Variants in PTPN23 observed in about 807,000 individuals in gnomAD.
The protein encoded by PTPN23 is protein tyrosine phosphatase non-receptor type 23.
Under a neutral mutation model 156.3 loss-of-function variants are expected in PTPN23, and 72 were observed. The observed-to-expected ratio is 0.46, with a 90% CI of 0.38 to 0.56. PTPN23 has a LOEUF of 0.56. PTPN23 is among the 20% of genes least tolerant of loss of function. The probability of loss-of-function intolerance (pLI) is 0.00; values close to 1 mark genes in which losing one functional copy is unlikely to be tolerated. For missense variants in PTPN23, 1,974 were observed against 2,171.5 expected, an observed-to-expected ratio of 0.91 and a Z score of 1.81; for synonymous variants, 957 against 899.6, an observed-to-expected ratio of 1.06 and a Z score of -1.14.
At position 47,406,741 on chromosome 3, in the gene PTPN23, C is replaced by A; in HGVS notation, c.798C>A (p.Phe266Leu). 1 of 1,613,638 alleles carries A rather than the reference C, an allele frequency of 6.2e-7. No homozygotes were observed. Among genetic ancestry groups the A allele is most frequent in the Non-Finnish European group, 8.5e-7 (1 of 1,179,930 alleles). The change falls in exon 9 of 25, where the codon TTC becomes TTA. Residue 266 changes from phenylalanine (F) to leucine (L), a missense_variant. Phe to Leu is a conservative substitution (Grantham distance 22, BLOSUM62 0). This residue lies in a region of PTPN23 where 726 missense variants were observed against 929.5 expected (regional missense o/e 0.78). Coordinates refer to ENST00000265562, the MANE Select transcript of PTPN23 (RefSeq NM_015466.4). This position sits in a 1 kb window ranked among gnomAD's most constrained non-coding sequence, Gnocchi z 5.8. ...MGKQAEEQQK[F>L]GERVAYFQSA... ...AGCAGGCCGAGGAGCAGCAGAAGTT[C>A]GGGGAGCGGGTGAGCTACAGCGAGG...
Position 47,413,192 on chromosome 3 carries a change from T to G in PTPN23, c.*7T>G. 6.2e-7 allele frequency: 1 copy of G among 1,604,196 alleles called. No homozygotes were observed. The highest frequency in any genetic ancestry group is 8.5e-7 in the Non-Finnish European group (1 of 1,174,748). ...GACACTCAACAAGACCTGAACAGGT[T>G]TTGCCTACCTGGTCCTTACACTACA... On this transcript the variant is annotated 3_prime_UTR_variant, in exon 25 of 25. Transcript: ENST00000265562.
At position 47,405,089 on chromosome 3, in the gene PTPN23, G is replaced by C; in HGVS notation, c.364+8G>C. The C allele has an allele frequency of 6.2e-7, 1 of 1,613,680 alleles. No homozygotes were observed. Among genetic ancestry groups the C allele is most frequent in the African/African-American group, 1.3e-5 (1 of 75,044 alleles). ...GTATTCTCTACAACCTTGGTGAGCTGCCTGATCCCTTCCCCCGGCCCTACT... is the reference window on the plus strand; with the variant it reads ...GTATTCTCTACAACCTTGGTGAGCTCCCTGATCCCTTCCCCCGGCCCTACT... On this transcript the variant is annotated splice_region_variant and intron_variant, in intron 4 of 24. Coordinates refer to ENST00000265562, the MANE Select transcript of PTPN23 (RefSeq NM_015466.4). This position sits in a 1 kb window ranked among gnomAD's most constrained non-coding sequence, Gnocchi z 4.7.
At chr3:47,381,525 G>T (rs560354114) in intron 1 of PTPN23, among the ~76,000 whole-genome samples, 1 of 152,230 alleles carries the variant, frequency 6.6e-6, no homozygotes, top group East Asian at 1.9e-4. Flanking sequence ...GGACCGCCCC[G>T]CGCGGGAGCG....
At chr3:47,408,717 G>A (rs1285148961) in intron 15 of PTPN23, 59 bp from the exon 16 acceptor site, 1 of 1,534,432 alleles carries the variant, frequency 6.5e-7, no homozygotes, top group African/African-American at 1.4e-5. Context: ...TTGGGGGAGG[G>A]GCCCATGGGT....
intron 1 of PTPN23, among the ~76,000 whole-genome samples, chr3:47,387,022 C>T (rs1362487252): frequency 1.3e-5 from 2 of 152,184 alleles, no homozygotes; most frequent in African/African-American, 2.4e-5. Flanking sequence ...GAGTCTTCCT[C>T]ACTGTGTTGT....
At chr3:47,384,084 T>TGTCTGC (rs1704604684) in intron 1 of PTPN23, among the ~76,000 whole-genome samples, 1 of 151,726 alleles carries the variant, frequency 6.6e-6, no homozygotes, top group East Asian at 1.9e-4. Flanking sequence ...ATGCTGAACC[T>TGTCTGC]TGATAAGCAG....
At position 47,405,859 on chromosome 3, in the gene PTPN23, A is replaced by G; in HGVS notation, c.415-56A>G. 1.3e-6 allele frequency: 2 copies of G among 1,598,538 alleles called. No individual in the cohort carries two copies. Among genetic ancestry groups the G allele is most frequent in the African/African-American group, 1.3e-5 (1 of 74,668 alleles). ...ACCAGGGAGGGGCAGCCTCCCAAGTATGGATGAATCCTGACCCATGGAGTG... is the reference window on the plus strand; with the variant it reads ...ACCAGGGAGGGGCAGCCTCCCAAGTGTGGATGAATCCTGACCCATGGAGTG... On this transcript the variant is annotated intron_variant, in intron 5 of 24. Transcript: ENST00000265562. This position sits in a 1 kb window ranked among gnomAD's most constrained non-coding sequence, Gnocchi z 4.7.
At chr3:47,401,093 G>T (rs974991903) in intron 2 of PTPN23, among the ~76,000 whole-genome samples, 3 of 151,968 alleles carry the variant, frequency 2.0e-5, no homozygotes, top group African/African-American at 7.3e-5. Context: ...AGTAGAGACA[G>T]GGTTTCACCT....
At chr3:47,388,934 C>T (rs1424678474) in intron 1 of PTPN23, among the ~76,000 whole-genome samples, 3 of 151,944 alleles carry the variant, frequency 2.0e-5, no homozygotes, top group Admixed American at 6.6e-5. Context: ...CAAAGTGCTG[C>T]GATTGCAGGT....
rs192553025 is a variant in PTPN23 at position 47,382,573 on chromosome 3, G to T, written c.84+1393G>T. Among the ~76,000 whole-genome samples, 152 of 151,198 alleles carry T rather than the reference G, an allele frequency of 1.0e-3. 3 individuals carry two copies. Among genetic ancestry groups the T allele is most frequent in the African/African-American group, 3.5e-3 (143 of 41,246 alleles). ...TGACATCAGGTGATCCGCTTGCCTC[G>T]GCCTCCCAAAGTGCTGGGATTACAG... On this transcript the variant is annotated intron_variant, in intron 1 of 24. Coordinates refer to ENST00000265562, the MANE Select transcript of PTPN23 (RefSeq NM_015466.4).
Position 47,412,840 on chromosome 3 carries a change from C to T in PTPN23, c.4566C>T (p.Gly1522=), listed in dbSNP as rs1490788714. 2 of 1,613,440 alleles carry T rather than the reference C, an allele frequency of 1.2e-6. No homozygotes were observed. The highest frequency in any genetic ancestry group is 2.2e-5 in the South Asian group (2 of 91,078). ...AGTCCCCGGTTGCCAGCTTGCCAGGCCCTGCAGAGCCCCCAGGCCTCCCGC... is the reference window on the plus strand; with the variant it reads ...AGTCCCCGGTTGCCAGCTTGCCAGGTCCTGCAGAGCCCCCAGGCCTCCCGC... The part of the protein sequence containing the change: ...GLESPVASLP[G]PAEPPGLPPA... The change falls in exon 25 of 25, where the codon GGC becomes GGT. Residue 1522 remains glycine (G), a synonymous_variant. Transcript: ENST00000265562.
At chr3:47,389,084 C>T (rs1246290668) in intron 1 of PTPN23, among the ~76,000 whole-genome samples, 5 of 152,174 alleles carry the variant, frequency 3.3e-5, no homozygotes. Context: ...CATCATTCTA[C>T]TGTCGGTTTC....
intron 2 of PTPN23, among the ~76,000 whole-genome samples, chr3:47,397,946 C>T (rs187537504): frequency 2.9e-4 from 44 of 152,048 alleles, no homozygotes; most frequent in African/African-American, 8.9e-4. Flanking sequence ...GCTGGGATTA[C>T]AGGTGTGAGC....
At chr3:47,403,008 T>C (rs1170578372) in intron 2 of PTPN23, among the ~76,000 whole-genome samples, 1 of 151,736 alleles carries the variant, frequency 6.6e-6, no homozygotes, top group East Asian at 1.9e-4. Context: ...GCCTGGCCTG[T>C]GTACCCATTT....
chr3:47,413,269 G>A lies in PTPN23; in HGVS notation c.*84G>A. On this transcript the variant is annotated 3_prime_UTR_variant, in exon 25 of 25. Transcript: ENST00000265562. ...CACACCCAGCAGAGCTTCTCAGTGG[G>A]CACAGTCTCTTACTCCCATTTCTGC... 10 of 1,511,566 alleles carry A rather than the reference G, an allele frequency of 6.6e-6. No homozygotes were observed. The highest frequency in any genetic ancestry group is 8.1e-6 in the Non-Finnish European group (9 of 1,117,294). 93.6% of individuals were successfully genotyped at this position (1,511,566 alleles called of 1,614,324 possible).
Position 47,407,357 on chromosome 3 carries a change from A to C in PTPN23, c.913A>C (p.Ile305Leu), listed in dbSNP as rs1316941963. Residue 305 changes from isoleucine (I) to leucine (L), a missense_variant, in exon 11 of 25, where the codon ATT becomes CTT. By Grantham distance (5) the Ile-to-Leu change is conservative. This residue lies in a region of PTPN23 where 726 missense variants were observed against 929.5 expected (regional missense o/e 0.78). Coordinates refer to ENST00000265562, the MANE Select transcript of PTPN23 (RefSeq NM_015466.4). This position sits in a 1 kb window ranked among gnomAD's most constrained non-coding sequence, Gnocchi z 4.0. ...CGCGCTTCGCTTCACTATGGATGTC[A>C]TTGGGGGAAAGTGAGTCTGTGGGGG... ...QDALRFTMDV[I>L]GGKYNSAKKD... is the part of the protein sequence containing the mutation. The C allele has an allele frequency of 6.2e-7, 1 of 1,613,888 alleles. No individual in the cohort carries two copies. Among genetic ancestry groups the C allele is most frequent in the Middle Eastern group, 1.7e-4 (1 of 6,060 alleles).
chr3:47,398,403 A>G (rs1167454255), intron 2 of PTPN23, among the ~76,000 whole-genome samples: 1 of 152,212 alleles, frequency 6.6e-6, no homozygotes, highest in African/African-American at 2.4e-5. Flanking sequence ...TAGGAATGCA[A>G]AGAAAAAATT....
intron 2 of PTPN23, among the ~76,000 whole-genome samples, chr3:47,403,777 C>T (rs901710757): frequency 6.6e-6 from 1 of 152,180 alleles, no homozygotes; most frequent in Non-Finnish European, 1.5e-5. Context: ...GATCCTCCCA[C>T]CTTGGCCTCC....
In PTPN23 at chr3:47,408,814, A is replaced by C. The variant is rs770914675; in HGVS notation, c.1369A>C (p.Lys457Gln). 3.1e-6 allele frequency: 5 copies of C among 1,610,958 alleles called. 1 individual carries two copies. The highest frequency in any genetic ancestry group is 4.2e-6 in the Non-Finnish European group (5 of 1,178,106). ...GTTCACGGATGTGGAGGCTTCCCTG[A>C]AGGACATCAGAGATCTGTTGGAGGA... ...GVFTDVEASL[K>Q]DIRDLLEEDE... Residue 457 changes from lysine to glutamine, a missense_variant, in exon 16 of 25, where the codon AAG becomes CAG. Physicochemically the swap from Lys to Gln is moderately conservative, Grantham distance 53. Around this residue, in one of 4 missense-constraint regions of PTPN23, gnomAD observed 726 missense variants for 929.5 expected, o/e 0.78. Transcript: ENST00000265562.
Sources: allele counts gnomAD v4.1 joint callset (sites outside exome capture counted in the v4.1 genomes callset), GRCh38; gene constraint gnomAD v4.1.1; regional missense constraint gnomAD v4.1.1; non-coding constraint Gnocchi (gnomAD v3.1); transcripts MANE v1.5; gene names NCBI Gene and HGNC (gene_info 2026-07-23, HGNC 2026-07-21).